PDE4D: variants seen among roughly 807,000 people sequenced by gnomAD.
The protein encoded by PDE4D is 3',5'-cyclic-AMP phosphodiesterase 4D.
In PDE4D, 24 loss-of-function variants were observed where a neutral mutation model predicts 87.4. The observed-to-expected ratio is 0.27, with a 90% CI of 0.20 to 0.39. The LOEUF (loss-of-function observed/expected upper bound fraction) is 0.39. Ranked by LOEUF, PDE4D falls within the 10% of genes least tolerant of loss-of-function variation. PDE4D has a pLI of 1.00. For missense variants in PDE4D, 714 were observed against 1,041.0 expected, an observed-to-expected ratio of 0.69 and a Z score of 4.32; for synonymous variants, 384 against 383.2, an observed-to-expected ratio of 1.00 and a Z score of -0.02.
intron 1 of PDE4D, among the ~76,000 whole-genome samples, chr5:59,768,826 A>C (rs1763146649): frequency 6.6e-6 from 1 of 152,186 alleles, no homozygotes; most frequent in Non-Finnish European, 1.5e-5. Flanking sequence ...CAGCCTGTTA[A>C]ACTATTGGAA....
chr5:60,370,835 G>A (rs1328280843), intron 1 of PDE4D, among the ~76,000 whole-genome samples: 2 of 152,038 alleles, frequency 1.3e-5, no homozygotes, highest in Non-Finnish European at 2.9e-5. Context: ...AAATGAGAGA[G>A]AGAGAGGGAA....
At chr5:59,323,887 T>C (rs1191814614) in intron 1 of PDE4D, among the ~76,000 whole-genome samples, 1 of 152,148 alleles carries the variant, frequency 6.6e-6, no homozygotes, top group Non-Finnish European at 1.5e-5. Flanking sequence ...ATGTGACTTA[T>C]CAGATCTTTT....
intron 1 of PDE4D, among the ~76,000 whole-genome samples, chr5:59,849,521 T>A (rs173944): frequency 6.6e-6 from 1 of 151,834 alleles, no homozygotes; most frequent in Non-Finnish European, 1.5e-5. Flanking sequence ...CCCTGTGAGC[T>A]GCACTCATCT....
intron 1 of PDE4D, among the ~76,000 whole-genome samples, chr5:60,304,990 A>AATAT (rs141960833): frequency 2.7e-5 from 4 of 149,034 alleles, no homozygotes; most frequent in East Asian, 2.0e-4. Context: ...AAAATTGAGT[A>AATAT]ATATATATAT....
intron 1 of PDE4D, among the ~76,000 whole-genome samples, chr5:59,888,215 A>G (rs1750454359): frequency 6.6e-6 from 1 of 152,238 alleles, no homozygotes. Flanking sequence ...TCCAATTAGA[A>G]TAAGACAAGG....
chr5:60,373,423 G>A lies in PDE4D; in HGVS notation c.-90+114519C>T, dbSNP rs186770805. ...ACTCTACGTGTATAGACCTTGATGG[G>A]TTTTCTATTATGTTTAGTTGCTACC... On this transcript the variant is annotated intron_variant, in intron 1 of 16. Coordinates refer to the PDE4D transcript ENST00000502484. 4.8e-3 allele frequency among the ~76,000 whole-genome samples: 736 copies of A among 152,142 alleles called. 5 individuals are homozygous for A. The highest frequency in any genetic ancestry group is 0.02 in the Middle Eastern group (6 of 294).
chr5:59,433,554 A>C (rs183673695), intron 1 of PDE4D, among the ~76,000 whole-genome samples: 1 of 152,074 alleles, frequency 6.6e-6, no homozygotes, highest in Non-Finnish European at 1.5e-5. Flanking sequence ...TTAGGAAAAT[A>C]AGAACACATT....
At chr5:60,193,930 G>A (rs946420066) in intron 1 of PDE4D, among the ~76,000 whole-genome samples, 6 of 151,296 alleles carry the variant, frequency 4.0e-5, no homozygotes, top group East Asian at 3.9e-4. Context: ...CTGAGAGGAT[G>A]AGTGAGGTGT....
chr5:59,374,244 A>T (rs562255349), intron 1 of PDE4D, among the ~76,000 whole-genome samples: 2 of 152,330 alleles, frequency 1.3e-5, no homozygotes, highest in South Asian at 4.1e-4. Flanking sequence ...AGCTGGATAA[A>T]GAATCGAGAC....
At chr5:59,804,782 T>G (rs886252173) in intron 1 of PDE4D, among the ~76,000 whole-genome samples, 1 of 152,148 alleles carries the variant, frequency 6.6e-6, no homozygotes, top group African/African-American at 2.4e-5. Flanking sequence ...TAGCGTTGTT[T>G]CTTTTTCTAT....
chr5:59,405,259 C>A (rs1006427503), intron 1 of PDE4D, among the ~76,000 whole-genome samples: 14 of 152,120 alleles, frequency 9.2e-5, no homozygotes, highest in African/African-American at 3.4e-4. Context: ...TTTCTTTCAT[C>A]CGTGTTTTAT....
intron 2 of PDE4D, among the ~76,000 whole-genome samples, chr5:59,211,101 C>T (rs1473271130): frequency 6.6e-6 from 1 of 152,066 alleles, no homozygotes; most frequent in Admixed American, 6.5e-5. Flanking sequence ...ACTTGGGCAA[C>T]CAGCCTTTTG....
chr5:59,174,901 A>C (rs1004971202), intron 5 of PDE4D, among the ~76,000 whole-genome samples: 2 of 152,168 alleles, frequency 1.3e-5, no homozygotes, highest in African/African-American at 4.8e-5. Flanking sequence ...CGTTTTCTTT[A>C]GAGTTGTGTC....
intron 1 of PDE4D, among the ~76,000 whole-genome samples, chr5:59,372,355 C>T (rs914917534): frequency 1.3e-5 from 2 of 152,196 alleles, no homozygotes; most frequent in African/African-American, 4.8e-5. Context: ...ATGTTGGACA[C>T]ATCTTTGAAA....
At chr5:59,218,307 T>C (rs567373138) in intron 1 of PDE4D, among the ~76,000 whole-genome samples, 16 of 152,292 alleles carry the variant, frequency 1.1e-4, no homozygotes, top group Admixed American at 1.0e-3. Context: ...TGAGTTTTGG[T>C]TTAGTTTTTT....
intron 1 of PDE4D, among the ~76,000 whole-genome samples, chr5:60,511,517 T>TTAATAATAA (rs150885033): frequency 0.039 from 5,774 of 147,716 alleles, 294 homozygotes; most frequent in African/African-American, 0.12. Context: ...CTATAGAAAT[T>TTAATAATAA]TAATAATAAT....
intron 1 of PDE4D, among the ~76,000 whole-genome samples, chr5:59,719,523 G>A (rs1354720264): frequency 6.6e-6 from 1 of 152,058 alleles, no homozygotes. Flanking sequence ...TTCCAACCAG[G>A]TCTCAAAATC....
chr5:59,313,836 C>A (rs1175296886), intron 1 of PDE4D, among the ~76,000 whole-genome samples: 1 of 152,090 alleles, frequency 6.6e-6, no homozygotes, highest in Admixed American at 6.6e-5. Context: ...CATGGAAAGG[C>A]CCTTTTACTG....
At chr5:59,228,553 G>A (rs945005016) in intron 1 of PDE4D, among the ~76,000 whole-genome samples, 1 of 151,698 alleles carries the variant, frequency 6.6e-6, no homozygotes, top group African/African-American at 2.4e-5. Context: ...TTAATAAGCC[G>A]ACTTTGAAAC....
Sources: gnomAD v4.1 joint callset for allele counts (sites outside exome capture counted in the v4.1 genomes callset) on GRCh38, gnomAD v4.1.1 for gene constraint, MANE v1.5 for transcripts, NCBI Gene and HGNC (gene_info 2026-07-23, HGNC 2026-07-21) for gene names.